PDE8B: variants seen among roughly 807,000 people sequenced by gnomAD.
PDE8B encodes phosphodiesterase 8B.
In PDE8B, 26 loss-of-function variants were observed where a neutral mutation model predicts 101.3. That is an observed-to-expected ratio of 0.26 (90% CI 0.19 to 0.36). PDE8B has a LOEUF of 0.36. PDE8B is among the 10% of genes least tolerant of loss of function. The pLI is 1.00. For missense variants in PDE8B, 810 were observed against 1,163.1 expected, an observed-to-expected ratio of 0.70 and a Z score of 4.42; for synonymous variants, 424 against 429.3, an observed-to-expected ratio of 0.99 and a Z score of 0.15.
At chr5:77,187,426 A>G in the PDE8B span, among the ~76,000 whole-genome samples, 1 of 152,192 alleles carries the variant, frequency 6.6e-6, no homozygotes, top group East Asian at 1.9e-4. Flanking sequence ...TACCTCTTAC[A>G]TGTCAAGTAA....
chr5:77,189,471 A>G, the PDE8B span, among the ~76,000 whole-genome samples: 1 of 152,152 alleles, frequency 6.6e-6, no homozygotes, highest in Non-Finnish European at 1.5e-5. Flanking sequence ...GAACATTGCC[A>G]TAGTAAATAG....
rs544882825 is a variant in PDE8B, at chr5:77,322,710, G to A, written c.400-2829G>A. On this transcript the variant is annotated intron_variant, in intron 2 of 21. Coordinates refer to ENST00000264917, the MANE Select transcript of PDE8B (RefSeq NM_003719.5). ...TAACTGCCTACTTCCTTCTGCTGCCGGCACCCACTCCTGACCCCCTTACTC... is the reference window on the plus strand; with the variant it reads ...TAACTGCCTACTTCCTTCTGCTGCCAGCACCCACTCCTGACCCCCTTACTC... Among the ~76,000 whole-genome samples the A allele has an allele frequency of 3.0e-4, 45 of 152,228 alleles. No homozygotes were observed. The South Asian group carries it at 5.0e-3, about 17-fold the overall frequency.
intron 18 of PDE8B, 106 bp downstream of exon 18, chr5:77,418,552 G>A: frequency 1.2e-6 from 1 of 801,736 alleles, no homozygotes; most frequent in Non-Finnish European, 2.2e-6. Context: ...CTGTCCCACT[G>A]TACCAGATGA....
At position 77,360,580 on chromosome 5, in the gene PDE8B, C is replaced by T. The variant is rs576775589; in HGVS notation, c.1167+7174C>T. Among the ~76,000 whole-genome samples, 384 of 152,310 alleles carry T rather than the reference C, an allele frequency of 2.5e-3. 2 individuals carry two copies. Among genetic ancestry groups the T allele is most frequent in the Middle Eastern group, 0.01 (3 of 294 alleles). On this transcript the variant is annotated intron_variant, in intron 10 of 21. Transcript: ENST00000264917. ...ATCATCCATTCAGTGAGCATGCATG[C>T]CTGCTGGCACTTGGCCCAGTGGAAG...
At chr5:77,159,680 T>C in the PDE8B span, among the ~76,000 whole-genome samples, 2 of 152,286 alleles carry the variant, frequency 1.3e-5, no homozygotes, top group East Asian at 3.9e-4. Flanking sequence ...TAGCCCCTGC[T>C]CTCCAGCAGT....
rs944697239 is a variant in PDE8B at position 77,351,237 on chromosome 5, G to A, written c.1106+84G>A. 52 of 988,582 alleles carry A rather than the reference G, an allele frequency of 5.3e-5. No individual in the cohort carries two copies. The African/African-American group carries it at 6.9e-4, about 13-fold the overall frequency. 61.2% of individuals were successfully genotyped at this position (988,582 alleles called of 1,614,324 possible). ...CATTGGGCTTGAAATGCCAGTATGAGCCTTACATCCACAAATGCAGTAGGG... is the reference window on the plus strand; with the variant it reads ...CATTGGGCTTGAAATGCCAGTATGAACCTTACATCCACAAATGCAGTAGGG... On this transcript the variant is annotated intron_variant, in intron 9 of 21. Transcript: ENST00000264917.
At chr5:77,410,124 C>T (rs965759988) in intron 14 of PDE8B, among the ~76,000 whole-genome samples, 5 of 152,250 alleles carry the variant, frequency 3.3e-5, no homozygotes, top group East Asian at 1.9e-4. Flanking sequence ...TTCTTGGCCT[C>T]GCCCAGGAAA....
At chr5:77,143,362 T>A in the PDE8B span, among the ~76,000 whole-genome samples, 1 of 152,190 alleles carries the variant, frequency 6.6e-6, no homozygotes, top group Non-Finnish European at 1.5e-5. Context: ...TACCAAATAA[T>A]TGATCTACAA....
the PDE8B span, chr5:77,148,612 T>A: frequency 6.6e-6 from 1 of 152,258 alleles, no homozygotes; most frequent in Non-Finnish European, 1.5e-5. Flanking sequence ...TTTTAATTTG[T>A]GTCTCCCTAA....
chr5:77,353,481 CT>C, intron 10 of PDE8B, 75 bp downstream of exon 10: 2 of 851,684 alleles, frequency 2.3e-6, no homozygotes, highest in South Asian at 2.7e-5. Flanking sequence ...TATCTCACCA[CT>C]GTTCTCTGCT....
intron 10 of PDE8B, among the ~76,000 whole-genome samples, chr5:77,356,746 G>C (rs1782173435): frequency 6.6e-6 from 1 of 152,090 alleles, no homozygotes; most frequent in Non-Finnish European, 1.5e-5. Flanking sequence ...TCTTATTCTT[G>C]TTACATTTTT....
intron 10 of PDE8B, among the ~76,000 whole-genome samples, chr5:77,393,441 A>G (rs531990742): frequency 2.0e-5 from 3 of 152,146 alleles, no homozygotes; most frequent in East Asian, 3.9e-4. Context: ...GGTTAGGACT[A>G]GAATCTAAGT....
Position 77,391,367 on chromosome 5 carries a change from C to A in PDE8B, c.1168-8881C>A, listed in dbSNP as rs75366131. Among the ~76,000 whole-genome samples the A allele has an allele frequency of 4.6e-5, 7 of 152,236 alleles. No individual in the cohort carries two copies. In the East Asian group the frequency reaches 1.4e-3, roughly 29 times the overall value. The stretch of plus-strand genomic sequence containing the variant: ...GTCGGTCCCACAATAGGGTTCCTGA[C>A]GGCAGATGCTGCTGCAGCCAGGAAG... On this transcript the variant is annotated intron_variant, in intron 10 of 21. Transcript: ENST00000264917.
chr5:77,423,942 AT>A (rs372211983), intron 20 of PDE8B, among the ~76,000 whole-genome samples: 336 of 146,208 alleles, frequency 2.3e-3, no homozygotes, highest in African/African-American at 6.5e-3. Flanking sequence ...CAGCCTGGAC[AT>A]TTTTTTTTTT....
chr5:77,169,061 C>T, the PDE8B span, among the ~76,000 whole-genome samples: 2 of 152,250 alleles, frequency 1.3e-5, no homozygotes. Context: ...AGGACAGCCA[C>T]ACCCTGAGAG....
At chr5:77,256,038 G>C (rs1759095042) in intron 1 of PDE8B, among the ~76,000 whole-genome samples, 1 of 152,122 alleles carries the variant, frequency 6.6e-6, no homozygotes, top group Non-Finnish European at 1.5e-5. Flanking sequence ...TGATTTATAT[G>C]GTTTTGGAGA....
intron 1 of PDE8B, among the ~76,000 whole-genome samples, chr5:77,268,978 G>A (rs1391347552): frequency 6.6e-6 from 1 of 151,666 alleles, no homozygotes; most frequent in African/African-American, 2.4e-5. Flanking sequence ...TTTCTTTTGG[G>A]TATATACCCA....
intron 1 of PDE8B, among the ~76,000 whole-genome samples, chr5:77,268,500 C>G (rs1256206665): frequency 6.6e-6 from 1 of 151,060 alleles, no homozygotes; most frequent in Non-Finnish European, 1.5e-5. Context: ...CAGTTCCTGC[C>G]CCACCCCCCC....
intron 1 of PDE8B, among the ~76,000 whole-genome samples, chr5:77,243,276 A>G (rs565415359): frequency 1.3e-5 from 2 of 152,298 alleles, no homozygotes; most frequent in Non-Finnish European, 2.9e-5. Context: ...CTACCAGAAA[A>G]TATAATCTGT....
Sources: allele counts gnomAD v4.1 joint callset (sites outside exome capture counted in the v4.1 genomes callset), GRCh38; gene constraint gnomAD v4.1.1; transcripts MANE v1.5; gene names NCBI Gene and HGNC (gene_info 2026-07-23, HGNC 2026-07-21).